ADK: variants seen among roughly 807,000 people sequenced by gnomAD.
ADK encodes N6,N6-dimethyladenosine kinase.
A neutral mutation model predicts 44.7 loss-of-function variants in ADK; 24 were observed. The observed-to-expected ratio is 0.54, with a 90% confidence interval of 0.39 to 0.76. The LOEUF is 0.76. Ranked by LOEUF, ADK falls within the 30% of genes least tolerant of loss-of-function variation. The pLI, the probability that ADK is intolerant of heterozygous loss-of-function variation, is 0.00. For synonymous variants in ADK, 128 were observed against 142.6 expected (o/e 0.90, Z 0.73); for missense variants, 321 against 425.1 (o/e 0.76, Z 2.15).
At position 74,456,445 on chromosome 10, in the gene ADK, C is replaced by T. The variant is rs569563248; in HGVS notation, c.555+57866C>T. On this transcript the variant is annotated intron_variant, in intron 6 of 10. Coordinates refer to ENST00000539909, the MANE Select transcript of ADK (RefSeq NM_006721.4). ...ATCCCAGCACTTTGAGAGGCCGAGG[C>T]GGGCGGATCACAAGGTCAGGAGATC... is the stretch of plus-strand genomic sequence containing the variant. 3.9e-4 allele frequency among the ~76,000 whole-genome samples: 59 copies of T among 152,048 alleles called. No individual in the cohort carries two copies. In the South Asian group the frequency reaches 0.01, roughly 26 times the overall value.
At chr10:74,265,997 G>A (rs910998969) in intron 3 of ADK, among the ~76,000 whole-genome samples, 3 of 152,100 alleles carry the variant, frequency 2.0e-5, no homozygotes, top group African/African-American at 7.2e-5. Context: ...TGTTCCTAAA[G>A]TAATGGGACA....
intron 6 of ADK, among the ~76,000 whole-genome samples, chr10:74,407,746 G>A: frequency 6.6e-6 from 1 of 152,134 alleles, no homozygotes; most frequent in Admixed American, 6.5e-5. Context: ...TGCAGCCTGG[G>A]AACTCTATTC....
chr10:74,551,590 T>C (rs1374325871), intron 7 of ADK: 1 of 152,140 alleles, frequency 6.6e-6, no homozygotes, highest in East Asian at 1.9e-4. Context: ...AAATATAAAG[T>C]GGGCTTAAGA....
rs75483721 is a variant in ADK, at chr10:74,695,236, A to G, written c.965-13085A>G. On this transcript the variant is annotated intron_variant, in intron 10 of 10. Transcript: ENST00000539909. ...CCTGTTCTTGATCCTTTGCTTTTTCATATAAATTTTAGAATCAACTTATCA... is the reference window on the plus strand; with the variant it reads ...CCTGTTCTTGATCCTTTGCTTTTTCGTATAAATTTTAGAATCAACTTATCA... Among the ~76,000 whole-genome samples the G allele has an allele frequency of 1.3e-3, 195 of 152,250 alleles. 5 individuals are homozygous for G. The East Asian group carries it at 0.026, about 20-fold the overall frequency.
chr10:74,502,237 AT>A (rs796476574), intron 6 of ADK, among the ~76,000 whole-genome samples: 1 of 151,806 alleles, frequency 6.6e-6, no homozygotes, highest in Non-Finnish European at 1.5e-5. Context: ...ATCAATTGCT[AT>A]TTTTTTTAAA....
chr10:74,401,504 T>C (rs1241775396), intron 6 of ADK, among the ~76,000 whole-genome samples: 1 of 152,236 alleles, frequency 6.6e-6, no homozygotes, highest in Non-Finnish European at 1.5e-5. Context: ...TGGCCTTCTT[T>C]ATCTCTTTTG....
chr10:74,228,783 A>C (rs1433602916), intron 3 of ADK, among the ~76,000 whole-genome samples: 1 of 152,220 alleles, frequency 6.6e-6, no homozygotes, highest in Non-Finnish European at 1.5e-5. Flanking sequence ...GATTTAGGTA[A>C]GGAAAGTTAA....
intron 3 of ADK, among the ~76,000 whole-genome samples, chr10:74,262,635 A>G (rs1234007740): frequency 6.8e-6 from 1 of 147,060 alleles, no homozygotes; most frequent in Non-Finnish European, 1.5e-5. Flanking sequence ...CATACTGATG[A>G]ATAAACAGGT....
At chr10:74,457,323 T>C (rs1261759660) in intron 6 of ADK, among the ~76,000 whole-genome samples, 3 of 152,080 alleles carry the variant, frequency 2.0e-5, no homozygotes, top group Non-Finnish European at 4.4e-5. Flanking sequence ...AGTTCTGAAA[T>C]TGAGGCAGTA....
chr10:74,634,062 T>A (rs574841546), intron 9 of ADK, among the ~76,000 whole-genome samples: 27 of 152,278 alleles, frequency 1.8e-4, no homozygotes, highest in African/African-American at 5.5e-4. Flanking sequence ...TAAAAGAACT[T>A]AATAAAGATG....
In ADK at chr10:74,603,416, A is replaced by AC. The variant is rs564256863; in HGVS notation, c.877+2929dup. Among the ~76,000 whole-genome samples the AC allele has an allele frequency of 1.3e-4, 20 of 150,690 alleles. No homozygotes were observed. The East Asian group carries it at 3.3e-3, about 25-fold the overall frequency. On this transcript the variant is annotated intron_variant, in intron 9 of 10. Coordinates refer to ENST00000539909, the MANE Select transcript of ADK (RefSeq NM_006721.4). ...ATGCTATCCCTCCCTGAGCTCCCCC[A>AC]CCCCCCGACAGGCCCTGGTGTGTGA... is the stretch of plus-strand genomic sequence containing the variant.
intron 3 of ADK, among the ~76,000 whole-genome samples, chr10:74,228,979 G>A (rs987424022): frequency 6.6e-6 from 1 of 152,032 alleles, no homozygotes; most frequent in Non-Finnish European, 1.5e-5. Context: ...AGCTACCAAG[G>A]TAAACAGTGA....
intron 9 of ADK, among the ~76,000 whole-genome samples, chr10:74,641,967 A>G (rs1269161830): frequency 1.3e-5 from 2 of 152,240 alleles, no homozygotes; most frequent in Admixed American, 6.5e-5. Context: ...AATCTCTTCT[A>G]TGAAATCAAA....
At position 74,581,182 on chromosome 10, in the gene ADK, T is replaced by C. The variant is rs77717653; in HGVS notation, c.727-8100T>C. ...GTTGACAAAGATGTTAAAACAGCAT[T>C]TCTAAATATATTATGTATTTCAAGA... On this transcript the variant is annotated intron_variant, in intron 7 of 10. Coordinates refer to ENST00000539909, the MANE Select transcript of ADK (RefSeq NM_006721.4). 9.4e-3 allele frequency among the ~76,000 whole-genome samples: 1,430 copies of C among 152,246 alleles called. 26 individuals carry two copies. Among genetic ancestry groups the C allele is most frequent in the African/African-American group, 0.033 (1,357 of 41,540 alleles).
At chr10:74,361,247 T>C (rs1157689557) in intron 4 of ADK, among the ~76,000 whole-genome samples, 12 of 152,218 alleles carry the variant, frequency 7.9e-5, no homozygotes, top group African/African-American at 2.7e-4. Context: ...TTATATTCAG[T>C]ATTATTGATA....
intron 10 of ADK, among the ~76,000 whole-genome samples, chr10:74,696,685 A>G (rs1428754301): frequency 6.6e-6 from 1 of 151,990 alleles, no homozygotes; most frequent in African/African-American, 2.4e-5. Context: ...TATTATTTTT[A>G]ATGGGACTGT....
At chr10:74,246,281 T>C (rs4323810) in intron 3 of ADK, among the ~76,000 whole-genome samples, 111,988 of 152,098 alleles carry the variant, frequency 0.74, 41,929 homozygotes, top group Middle Eastern at 0.85. Context: ...TGATTGAATG[T>C]ACAAGTTATA....
intron 6 of ADK, among the ~76,000 whole-genome samples, chr10:74,446,740 T>TA (rs1234862432): frequency 1.3e-5 from 2 of 152,150 alleles, no homozygotes; most frequent in African/African-American, 2.4e-5. Flanking sequence ...GGAAATATGT[T>TA]AAAAAGACAT....
intron 9 of ADK, among the ~76,000 whole-genome samples, chr10:74,627,915 G>A (rs1321377966): frequency 6.6e-6 from 1 of 152,178 alleles, no homozygotes; most frequent in Admixed American, 6.5e-5. Flanking sequence ...CGGATTATAG[G>A]TGTGAGCCAC....
Sources: allele counts gnomAD v4.1 joint callset (sites outside exome capture counted in the v4.1 genomes callset), GRCh38; gene constraint gnomAD v4.1.1; transcripts MANE v1.5; gene names NCBI Gene and HGNC (gene_info 2026-07-23, HGNC 2026-07-21).